PDZD7: variants seen among roughly 807,000 people sequenced by gnomAD.
PDZD7 encodes the protein PDZ domain containing 7.
PDZD7 carries 72 observed loss-of-function variants against 84.7 expected under a neutral mutation model. That is an observed-to-expected ratio of 0.85 (90% CI 0.70 to 1.03). PDZD7 has a LOEUF of 1.03. PDZD7 is among the 50% of genes least tolerant of loss of function. The pLI is 0.00. For synonymous variants in PDZD7, 594 were observed against 580.7 expected (o/e 1.02, Z -0.33); for missense variants, 1,490 against 1,412.9 (o/e 1.05, Z -0.87).
intron 9 of PDZD7, chr10:101,017,584 C>A: frequency 1.4e-6 from 1 of 701,184 alleles, no homozygotes. Flanking sequence ...GAATTTGAGA[C>A]TAGCCTGGGC....
chr10:101,025,886 T>C (rs1382804997), intron 2 of PDZD7, among the ~76,000 whole-genome samples: 1 of 152,070 alleles, frequency 6.6e-6, no homozygotes, highest in Non-Finnish European at 1.5e-5. Context: ...AAGCCTCCCA[T>C]CTTTGGAGGC....
chr10:101,020,487 C>T, intron 7 of PDZD7, 131 bp downstream of exon 7: 1 of 847,460 alleles, frequency 1.2e-6, no homozygotes, highest in Non-Finnish European at 2.0e-6. Context: ...ATCCTCCCAC[C>T]TCAGCCTCCC....
At position 101,010,741 on chromosome 10, in the gene PDZD7, A is replaced by AG; in HGVS notation, c.2147dup (p.Leu717SerfsTer33). The AG allele has an allele frequency of 3.1e-6, 3 of 974,232 alleles. No individual in the cohort carries two copies. Among genetic ancestry groups the AG allele is most frequent in the Non-Finnish European group, 4.1e-6 (3 of 738,946 alleles). The allele number at this position is 974,232 out of a possible 1,614,324, so 60.3% of individuals were successfully genotyped here. A position where few individuals can be genotyped will look rare whatever the true frequency, so the allele number is the denominator to read the frequency against. ...AGGCATCTACTGGCACGTCTTGTAGAGGGGGGATCCCTTTATGGGGGTGGC... is the reference window on the plus strand; with the variant it reads ...AGGCATCTACTGGCACGTCTTGTAGAGGGGGGGATCCCTTTATGGGGGTGGC... On this transcript the variant is annotated frameshift_variant, in exon 15 of 17. Coordinates refer to ENST00000619208, the MANE Select transcript of PDZD7 (RefSeq NM_001195263.2). LOFTEE classifies it high-confidence loss of function.
chr10:101,021,792 GC>G lies in PDZD7; in HGVS notation c.867+5del. 6.2e-7 allele frequency: 1 copy of G among 1,614,110 alleles called. No individual in the cohort carries two copies. Among genetic ancestry groups the G allele is most frequent in the South Asian group, 1.1e-5 (1 of 91,072 alleles). On this transcript the variant is annotated splice_donor_5th_base_variant and intron_variant, in intron 6 of 16. Transcript: ENST00000619208. ...CACCTCTCCCTACCCCCACTGTTCT[GC>G]CCACCTTGATGGTCAGCATGATGTG...
chr10:101,008,950 A>C, intron 16 of PDZD7, 100 bp from the exon 17 acceptor site: 2 of 1,361,350 alleles, frequency 1.5e-6, no homozygotes, highest in East Asian at 2.5e-5. Context: ...CCATGAGGAC[A>C]CTCCTCCCCC....
At chr10:101,025,592 G>A (rs1288864655) in intron 2 of PDZD7, among the ~76,000 whole-genome samples, 1 of 149,768 alleles carries the variant, frequency 6.7e-6, no homozygotes, top group Admixed American at 6.7e-5. Context: ...CTGTCGCCCA[G>A]GCTGGACTGC....
rs1448996721 is a variant in PDZD7, at chr10:101,008,766, A to G, written c.2803T>C (p.Tyr935His). ...ATGGGCTCCCGGGCCTTGTTTCGATAAGCCCGACGGATGGTGTCTACTGCA... is the reference window on the plus strand; with the variant it reads ...ATGGGCTCCCGGGCCTTGTTTCGATGAGCCCGACGGATGGTGTCTACTGCA... ...QRAVDTIRRAYRNKAREPMEL... is the reference protein window; with the variant it reads ...QRAVDTIRRAHRNKAREPMEL... The change falls in exon 17 of 17, where the codon TAT becomes CAT. Residue 935 changes from tyrosine (Y) to histidine (H), a missense_variant. By Grantham distance (83) the Tyr-to-His change is moderately conservative. Coordinates refer to ENST00000619208, the MANE Select transcript of PDZD7 (RefSeq NM_001195263.2). 1 of 1,535,590 alleles carries G rather than the reference A, an allele frequency of 6.5e-7. No homozygotes were observed. The highest frequency in any genetic ancestry group is 8.7e-7 in the Non-Finnish European group (1 of 1,146,566).
In PDZD7 at chr10:101,030,272, T is replaced by G; in HGVS notation, c.-53A>C. The G allele has an allele frequency of 6.7e-7, 1 of 1,482,376 alleles. No homozygotes were observed. The highest frequency in any genetic ancestry group is 2.0e-5 in the Admixed American group (1 of 51,238). 91.8% of individuals were successfully genotyped at this position (1,482,376 alleles called of 1,614,324 possible). A position where few individuals can be genotyped will look rare whatever the true frequency, so the allele number is the denominator to read the frequency against. The stretch of plus-strand genomic sequence containing the variant: ...AGGTCCAGAAGGAATCTGCTAGCTC[T>G]GGAGAGGCCAGCCCTGCGTGCTTCG... On this transcript the variant is annotated 5_prime_UTR_variant, in exon 2 of 17. Coordinates refer to ENST00000619208, the MANE Select transcript of PDZD7 (RefSeq NM_001195263.2).
chr10:101,020,332 C>T (rs1853013666), intron 7 of PDZD7, among the ~76,000 whole-genome samples: 1 of 152,114 alleles, frequency 6.6e-6, no homozygotes, highest in African/African-American at 2.4e-5. Context: ...TCTCGAACTC[C>T]CAACCTCAGG....
intron 11 of PDZD7, among the ~76,000 whole-genome samples, chr10:101,013,370 G>A (rs1333919130): frequency 6.6e-6 from 1 of 152,194 alleles, no homozygotes; most frequent in Non-Finnish European, 1.5e-5. Context: ...TAGTGGGAGC[G>A]AGGGGAAGAT....
In PDZD7 at chr10:101,030,253, A is replaced by G. The variant is rs1938040908; in HGVS notation, c.-34T>C. The G allele has an allele frequency of 6.5e-7, 1 of 1,547,342 alleles. No individual in the cohort carries two copies. Among genetic ancestry groups the G allele is most frequent in the Non-Finnish European group, 8.7e-7 (1 of 1,143,586 alleles). ...GGCTAGGGCGGCACCCTACAGGTCC[A>G]GAAGGAATCTGCTAGCTCTGGAGAG... On this transcript the variant is annotated 5_prime_UTR_variant, in exon 2 of 17. Transcript: ENST00000619208.
Position 101,018,254 on chromosome 10 carries a change from C to T in PDZD7, c.1367G>A (p.Gly456Glu), listed in dbSNP as rs575222018. 34 of 1,614,072 alleles carry T rather than the reference C, an allele frequency of 2.1e-5. 1 individual carries two copies. In the South Asian group the frequency reaches 3.5e-4, roughly 17 times the overall value. The change falls in exon 9 of 17, where the codon GGG becomes GAG. Residue 456 changes from glycine to glutamate, a missense_variant. Physicochemically the swap from Gly to Glu is moderately conservative, Grantham distance 98. Transcript: ENST00000619208. ...QRKKEKSGSP[G>E]EKGALQRSKT... is the part of the protein sequence containing the mutation. ...GGAGCGCTGCAGGGCACCCTTCTCC[C>T]CAGGGGACCCCGACTTCTCCTTCTT... is the stretch of plus-strand genomic sequence containing the variant.
At position 101,019,269 on chromosome 10, in the gene PDZD7, C is replaced by A. The variant is rs906113032; in HGVS notation, c.929-52G>T. On this transcript the variant is annotated intron_variant, in intron 7 of 16. Transcript: ENST00000619208. ...CAGCGGGCTTGCTTCAGAGCCCTGC[C>A]CGGCTTGCAGACCACCCTTGGGCTT... 3.9e-6 allele frequency: 6 copies of A among 1,532,932 alleles called. No individual in the cohort carries two copies. In the Admixed American group the frequency reaches 5.9e-5, roughly 15 times the overall value. The allele number at this position is 1,532,932 out of a possible 1,614,324, so 95.0% of individuals were successfully genotyped here.
rs1391893803 is a variant in PDZD7 at position 101,008,011 on chromosome 10, C to G, written c.*456G>C. 6.1e-6 allele frequency: 1 copy of G among 164,180 alleles called. No homozygotes were observed. Among genetic ancestry groups the G allele is most frequent in the African/African-American group, 2.4e-5 (1 of 41,470 alleles). The allele number at this position is 164,180 out of a possible 1,614,324, so 10.2% of individuals were successfully genotyped here. The stretch of plus-strand genomic sequence containing the variant: ...TGGACCCCAACGTGAAATGATCTCT[C>G]AGGATTTCAGGGACTAGAAAAGCCT... On this transcript the variant is annotated 3_prime_UTR_variant, in exon 17 of 17. Coordinates refer to ENST00000619208, the MANE Select transcript of PDZD7 (RefSeq NM_001195263.2).
chr10:101,024,542 C>T (rs1044526291), intron 2 of PDZD7, among the ~76,000 whole-genome samples: 6 of 152,208 alleles, frequency 3.9e-5, no homozygotes, highest in African/African-American at 1.4e-4. Context: ...ATATCCTGCC[C>T]GCTCTGAGTG....
intron 2 of PDZD7, among the ~76,000 whole-genome samples, chr10:101,027,717 G>A (rs182157431): frequency 1.6e-4 from 25 of 152,250 alleles, no homozygotes; most frequent in South Asian, 6.2e-4. Context: ...GTCGTCGTTC[G>A]CTTATTTGTG....
intron 14 of PDZD7, chr10:101,011,434 C>A: frequency 2.0e-6 from 2 of 1,024,416 alleles, no homozygotes; most frequent in Non-Finnish European, 1.3e-6. Context: ...AACGTAATTT[C>A]TCAGAGGTTA....
intron 2 of PDZD7, 101 bp from the exon 3 acceptor site, chr10:101,024,169 A>T: frequency 6.5e-7 from 1 of 1,547,800 alleles, no homozygotes; most frequent in Non-Finnish European, 8.9e-7. Context: ...GTTGCTGGGC[A>T]CAGTCACACA....
intron 11 of PDZD7, among the ~76,000 whole-genome samples, chr10:101,014,695 C>CACACACAT (rs1554833924): frequency 2.8e-4 from 42 of 151,562 alleles, no homozygotes; most frequent in East Asian, 1.4e-3. Flanking sequence ...CACACACACA[C>CACACACAT]GCTAGCCAGA....
Sources: allele counts gnomAD v4.1 joint callset (sites outside exome capture counted in the v4.1 genomes callset), GRCh38; gene constraint gnomAD v4.1.1; transcripts MANE v1.5; gene names NCBI Gene and HGNC (gene_info 2026-07-23, HGNC 2026-07-21).